DLG2: variants seen among roughly 807,000 people sequenced by gnomAD.
DLG2 encodes the protein discs large MAGUK scaffold protein 2, also known as disks large homolog 2.
A neutral mutation model predicts 132.5 loss-of-function variants in DLG2; 45 were observed. The observed-to-expected ratio is 0.34, with a 90% CI of 0.27 to 0.44. The LOEUF (loss-of-function observed/expected upper bound fraction) is 0.44. Among genes scored for constraint, DLG2 ranks in the 20% least tolerant of loss-of-function variants. The pLI, the probability that DLG2 is intolerant of heterozygous loss-of-function variation, is 1.00. For missense variants in DLG2, 1,045 were observed against 1,196.9 expected, an observed-to-expected ratio of 0.87 and a Z score of 1.87; for synonymous variants, 424 against 419.6, an observed-to-expected ratio of 1.01 and a Z score of -0.13.
chr11:84,227,811 G>A (rs1450343672), intron 8 of DLG2, among the ~76,000 whole-genome samples: 1 of 151,796 alleles, frequency 6.6e-6, no homozygotes, highest in African/African-American at 2.4e-5. Context: ...CTGCTCAGGA[G>A]GCTGAGGCAG....
chr11:84,681,601 C>T (rs763557286), intron 6 of DLG2, among the ~76,000 whole-genome samples: 1 of 152,116 alleles, frequency 6.6e-6, no homozygotes, highest in African/African-American at 2.4e-5. Context: ...CTGGCTCTTC[C>T]AACCATCAGT....
intron 3 of DLG2, among the ~76,000 whole-genome samples, chr11:85,476,043 G>A (rs1455872425): frequency 6.6e-6 from 1 of 152,024 alleles, no homozygotes. Context: ...GGGCAATTTT[G>A]CCATTTTGTT....
chr11:84,809,935 T>C (rs2076387677), intron 6 of DLG2, among the ~76,000 whole-genome samples: 1 of 152,024 alleles, frequency 6.6e-6, no homozygotes, highest in South Asian at 2.1e-4. Context: ...CCCAATTGGC[T>C]TTTGACAAGG....
intron 6 of DLG2, among the ~76,000 whole-genome samples, chr11:84,731,429 T>C (rs1385552170): frequency 6.6e-6 from 1 of 151,862 alleles, no homozygotes; most frequent in Non-Finnish European, 1.5e-5. Flanking sequence ...TATAAGAGCA[T>C]ATATAGGGGA....
At chr11:83,877,057 A>T (rs1436618965) in intron 15 of DLG2, among the ~76,000 whole-genome samples, 2 of 152,108 alleles carry the variant, frequency 1.3e-5, no homozygotes, top group Non-Finnish European at 2.9e-5. Context: ...CGTTTCCCAA[A>T]ATGGAAATGC....
In DLG2 at chr11:85,623,207, CACTGCAAAAAA is replaced by C. The variant is rs2081842630; in HGVS notation, c.-93+3369_-93+3379del. Among the ~76,000 whole-genome samples the C allele has an allele frequency of 2.0e-5, 3 of 151,834 alleles. No homozygotes were observed. The South Asian group carries it at 6.2e-4, about 31-fold the overall frequency. ...ATATATATATTATATCACTGAGAAC[CACTGCAAAAAA>C]ATAATTCAAAGGAAATAAAGGGTCA... On this transcript the variant is annotated intron_variant, in intron 2 of 27. Coordinates refer to ENST00000376104, the MANE Select transcript of DLG2 (RefSeq NM_001142699.3).
At chr11:85,582,013 G>A (rs1300596921) in intron 3 of DLG2, among the ~76,000 whole-genome samples, 2 of 152,200 alleles carry the variant, frequency 1.3e-5, no homozygotes, top group Middle Eastern at 3.2e-3. Context: ...ACAGTTAACA[G>A]TATTTCTCCA....
chr11:84,534,700 T>C lies in DLG2; in HGVS notation c.389A>G (p.His130Arg). 2 of 1,614,038 alleles carry C rather than the reference T, an allele frequency of 1.2e-6. No homozygotes were observed. The highest frequency in any genetic ancestry group is 1.7e-6 in the Non-Finnish European group (2 of 1,179,934). ...GGTTAGTCGAGGTAAGGAATGATCA[T>C]GTGGAGCGTCCTCATCTTGATATCG... ...KYRYQDEDAP[H>R]DHSLPRLTHE... Residue 130 changes from histidine to arginine, a missense_variant, in exon 7 of 28, where the codon CAT becomes CGT. Around this residue, in one of 4 missense-constraint regions of DLG2, gnomAD observed 277 missense variants for 238.2 expected, o/e 1.16. Transcript: ENST00000376104.
intron 21 of DLG2, among the ~76,000 whole-genome samples, chr11:83,512,247 C>T (rs185947895): frequency 6.9e-4 from 105 of 152,262 alleles, no homozygotes; most frequent in Non-Finnish European, 1.2e-3. Flanking sequence ...TGTGACTGAG[C>T]AATGGTGAGA....
intron 4 of DLG2, among the ~76,000 whole-genome samples, chr11:85,279,105 C>T (rs1342861534): frequency 6.6e-6 from 1 of 151,968 alleles, no homozygotes; most frequent in Non-Finnish European, 1.5e-5. Flanking sequence ...TGAAAGAACA[C>T]CAAGTCCAAT....
intron 6 of DLG2, among the ~76,000 whole-genome samples, chr11:84,978,424 G>A (rs1259621966): frequency 3.9e-5 from 6 of 152,172 alleles, no homozygotes; most frequent in Non-Finnish European, 7.3e-5. Flanking sequence ...CAAGGCTACA[G>A]TAACCAAAAC....
At chr11:84,812,997 C>T (rs976066675) in intron 6 of DLG2, among the ~76,000 whole-genome samples, 4 of 151,950 alleles carry the variant, frequency 2.6e-5, no homozygotes, top group Non-Finnish European at 5.9e-5. Context: ...CTTTTGAGAG[C>T]GGTTATCCAC....
At chr11:85,193,937 T>G (rs2080830258) in intron 4 of DLG2, among the ~76,000 whole-genome samples, 1 of 152,234 alleles carries the variant, frequency 6.6e-6, no homozygotes, top group Non-Finnish European at 1.5e-5. Context: ...GCCAGGGTTA[T>G]AGTGCTGCAG....
At position 85,058,692 on chromosome 11, in the gene DLG2, T is replaced by C. The variant is rs191316923; in HGVS notation, c.357+52969A>G. Among the ~76,000 whole-genome samples the C allele has an allele frequency of 1.6e-3, 247 of 151,612 alleles. 2 individuals are homozygous for C. The highest frequency in any genetic ancestry group is 2.9e-3 in the Admixed American group (44 of 15,186). ...TTTGCATAAGGACAAATAGACCAGG[T>C]ATTTGAATAGGGTTTAAAAATAGGC... On this transcript the variant is annotated intron_variant, in intron 6 of 27. Transcript: ENST00000376104.
intron 6 of DLG2, among the ~76,000 whole-genome samples, chr11:84,685,596 G>A (rs1390649675): frequency 1.3e-5 from 2 of 152,200 alleles, no homozygotes; most frequent in Non-Finnish European, 2.9e-5. Flanking sequence ...TTATTTATCT[G>A]CCAGAGGACT....
intron 8 of DLG2, among the ~76,000 whole-genome samples, chr11:84,185,633 C>T (rs903974733): frequency 2.6e-5 from 4 of 152,144 alleles, no homozygotes; most frequent in Non-Finnish European, 5.9e-5. Flanking sequence ...TGAGAGAGGG[C>T]ATCCCTGTCT....
intron 19 of DLG2, among the ~76,000 whole-genome samples, chr11:83,544,671 G>A (rs2141684863): frequency 6.6e-6 from 1 of 152,190 alleles, no homozygotes; most frequent in Middle Eastern, 3.4e-3. Context: ...TTATTAGGTG[G>A]TCTGGCACTT....
chr11:84,135,182 GTAAATACT>G (rs546179139), intron 9 of DLG2, among the ~76,000 whole-genome samples: 23 of 152,202 alleles, frequency 1.5e-4, no homozygotes, highest in Non-Finnish European at 2.9e-4. Flanking sequence ...TAGGTGATCA[GTAAATACT>G]TATTGACTGA....
intron 9 of DLG2, among the ~76,000 whole-genome samples, chr11:84,104,309 G>C (rs2092751007): frequency 6.6e-6 from 1 of 151,988 alleles, no homozygotes; most frequent in South Asian, 2.1e-4. Flanking sequence ...ATTAAACTAA[G>C]TAATGCAGAA....
Sources: allele counts gnomAD v4.1 joint callset (sites outside exome capture counted in the v4.1 genomes callset), GRCh38; gene constraint gnomAD v4.1.1; regional missense constraint gnomAD v4.1.1; transcripts MANE v1.5; gene names NCBI Gene and HGNC (gene_info 2026-07-23, HGNC 2026-07-21).